Variants in WHR1 observed in about 807,000 individuals in gnomAD.
The protein encoded by WHR1 is MHC class III HLA-RP1.
the WHR1 span, among the ~76,000 whole-genome samples, chr6:31,973,793 T>TA: frequency 3.0e-4 from 46 of 152,012 alleles, no homozygotes; most frequent in Admixed American, 1.9e-3. Context: ...GGCTGCTTGT[T>TA]AAAAAAAATA....
chr6:31,972,504 T>G, the WHR1 span: 5 of 1,607,834 alleles, frequency 3.1e-6, no homozygotes, highest in Admixed American at 6.7e-5. The surrounding 1 kb of genome is among the most constrained non-coding windows in gnomAD (Gnocchi z 6.3). Context: ...CTCTTCGGGG[T>G]GAGCCAGGTA....
chr6:31,976,922 C>T, the WHR1 span, among the ~76,000 whole-genome samples: 1 of 152,238 alleles, frequency 6.6e-6, no homozygotes, highest in Admixed American at 6.5e-5. Context: ...CGCGCGCCTG[C>T]AATCGCAGGC....
the WHR1 span, chr6:31,978,964 A>G: frequency 6.2e-7 from 1 of 1,612,470 alleles, no homozygotes; most frequent in Non-Finnish European, 8.5e-7. Context: ...TTGGATGCCC[A>G]TGGAATTATC....
chr6:31,975,902 C>CG, the WHR1 span, among the ~76,000 whole-genome samples: 1 of 144,508 alleles, frequency 6.9e-6, no homozygotes, highest in Admixed American at 6.8e-5. Context: ...GCTGGCCGGG[C>CG]GGGGGGCTGA....
At chr6:31,973,602 A>G in the WHR1 span, among the ~76,000 whole-genome samples, 1 of 152,158 alleles carries the variant, frequency 6.6e-6, no homozygotes, top group East Asian at 1.9e-4. Flanking sequence ...ACATATACAT[A>G]GGGTGTATGT....
the WHR1 span, chr6:31,980,439 CA>C: frequency 6.2e-7 from 1 of 1,608,970 alleles, no homozygotes; most frequent in Non-Finnish European, 8.5e-7. Context: ...GCTGGCTTCC[CA>C]CTGCCCTCAG....
the WHR1 span, chr6:31,979,327 A>T: frequency 1.3e-6 from 2 of 1,563,934 alleles, no homozygotes; most frequent in African/African-American, 2.7e-5. Context: ...GCAAGAGGTA[A>T]GACAGGAAGA....
the WHR1 span, chr6:31,972,006 T>A: frequency 6.2e-7 from 1 of 1,603,546 alleles, no homozygotes. The surrounding 1 kb of genome is among the most constrained non-coding windows in gnomAD (Gnocchi z 6.3). Flanking sequence ...GATGCAAAAG[T>A]GGTTTTCTGC....
chr6:31,979,551 C>A, the WHR1 span: 2 of 1,612,860 alleles, frequency 1.2e-6, no homozygotes, highest in Admixed American at 3.3e-5. Context: ...ACTCAGAAAT[C>A]ACGTGAGACT....
chr6:31,975,940 G>A, the WHR1 span, among the ~76,000 whole-genome samples: 35 of 147,246 alleles, frequency 2.4e-4, no homozygotes, highest in African/African-American at 5.8e-4. Context: ...CGGACGGGGC[G>A]GCTGGCCGGG....
chr6:31,979,103 C>T, the WHR1 span: 1 of 1,192,804 alleles, frequency 8.4e-7, no homozygotes, highest in Non-Finnish European at 1.2e-6. Flanking sequence ...TTTCCCTGCC[C>T]CCACATCCCA....
At chr6:31,971,278 G>C in the WHR1 span, 1 of 1,537,032 alleles carries the variant, frequency 6.5e-7, no homozygotes, top group Non-Finnish European at 8.8e-7. This position sits in a 1 kb window ranked among gnomAD's most constrained non-coding sequence, Gnocchi z 4.5. Context: ...TTAGAGGGTA[G>C]GTACGGGTCT....
At chr6:31,978,975 T>A in the WHR1 span, 1 of 1,612,410 alleles carries the variant, frequency 6.2e-7, no homozygotes. Flanking sequence ...TGGAATTATC[T>A]TCACTGAGGA....
the WHR1 span, among the ~76,000 whole-genome samples, chr6:31,979,168 G>T: frequency 7.1e-6 from 1 of 141,766 alleles, no homozygotes; most frequent in Non-Finnish European, 1.5e-5. Context: ...AGACAGGAGG[G>T]AAAGAGGGAG....
the WHR1 span, chr6:31,972,973 A>G: frequency 1.2e-6 from 1 of 833,742 alleles, no homozygotes; most frequent in South Asian, 1.4e-5. This position sits in a 1 kb window ranked among gnomAD's most constrained non-coding sequence, Gnocchi z 6.3. Context: ...TTTTGGGGAA[A>G]CCGAGTCATG....
chr6:31,972,209 T>G, the WHR1 span: 1 of 1,611,554 alleles, frequency 6.2e-7, no homozygotes, highest in Non-Finnish European at 8.5e-7. The surrounding 1 kb of genome is among the most constrained non-coding windows in gnomAD (Gnocchi z 6.3). Context: ...CTGGCGGAGG[T>G]GATGCTGGTA....
chr6:31,971,925 T>C, the WHR1 span: 1 of 1,538,130 alleles, frequency 6.5e-7, no homozygotes, highest in Non-Finnish European at 8.8e-7. The surrounding 1 kb of genome is among the most constrained non-coding windows in gnomAD (Gnocchi z 4.5). Context: ...AAGAATCCAG[T>C]TACCTCAAAG....
At chr6:31,971,299 T>C in the WHR1 span, 9 of 1,535,788 alleles carry the variant, frequency 5.9e-6, no homozygotes, top group East Asian at 2.3e-5. This position sits in a 1 kb window ranked among gnomAD's most constrained non-coding sequence, Gnocchi z 4.5. Flanking sequence ...CCAGATATAC[T>C]GCCTACCACG....
chr6:31,978,925 A>C, the WHR1 span: 2 of 1,612,424 alleles, frequency 1.2e-6, no homozygotes, highest in South Asian at 2.2e-5. Context: ...GAGCAGGGGG[A>C]GATCAGAATC....
Sources: gnomAD v4.1 joint callset for allele counts (sites outside exome capture counted in the v4.1 genomes callset) on GRCh38, gnomAD v4.1.1 for gene constraint, Gnocchi (gnomAD v3.1) non-coding constraint, MANE v1.5 for transcripts, NCBI Gene and HGNC (gene_info 2026-07-23, HGNC 2026-07-21) for gene names.